Variants in NEGR1 observed in about 807,000 individuals in gnomAD.
NEGR1 encodes the protein neuronal growth regulator 1.
In NEGR1, 10 loss-of-function variants were observed where a neutral mutation model predicts 40.9. The ratio of observed to expected loss-of-function variants is 0.24; its 90% confidence interval spans 0.15 to 0.42. NEGR1 has a LOEUF of 0.42. Among genes scored for constraint, NEGR1 ranks in the 10% least tolerant of loss-of-function variants. The pLI is 1.00. For missense variants in NEGR1, 352 were observed against 438.9 expected (o/e 0.80, Z 1.77); for synonymous variants, 185 against 166.8 (o/e 1.11, Z -0.84).
At chr1:72,242,315 T>C (rs1329670662) in intron 1 of NEGR1, among the ~76,000 whole-genome samples, 1 of 151,706 alleles carries the variant, frequency 6.6e-6, no homozygotes, top group Non-Finnish European at 1.5e-5. Flanking sequence ...AAAAAATTTA[T>C]TAAGTCACAT....
intron 3 of NEGR1, among the ~76,000 whole-genome samples, chr1:71,717,082 T>C (rs1414144637): frequency 6.6e-6 from 1 of 152,184 alleles, no homozygotes; most frequent in African/African-American, 2.4e-5. Context: ...GTTGAATTCA[T>C]TACTAGCAAT....
At chr1:72,199,802 A>G (rs1186784765) in intron 1 of NEGR1, among the ~76,000 whole-genome samples, 2 of 151,956 alleles carry the variant, frequency 1.3e-5, no homozygotes, top group African/African-American at 4.8e-5. Flanking sequence ...TCTAATACCA[A>G]AAATCTATGA....
At chr1:71,730,879 T>C (rs1213176157) in intron 3 of NEGR1, among the ~76,000 whole-genome samples, 2 of 62,250 alleles carry the variant, frequency 3.2e-5, no homozygotes, top group Non-Finnish European at 5.6e-5. Flanking sequence ...GAAGCATTCG[T>C]GTGTGTGTGT....
intron 1 of NEGR1, among the ~76,000 whole-genome samples, chr1:72,121,043 G>GT (rs1649783869): frequency 6.6e-6 from 1 of 152,036 alleles, no homozygotes; most frequent in Non-Finnish European, 1.5e-5. Flanking sequence ...ATTTTGGGGT[G>GT]TACAGAGGTT....
intron 1 of NEGR1, among the ~76,000 whole-genome samples, chr1:72,198,740 C>A (rs748308962): frequency 6.6e-6 from 1 of 151,690 alleles, no homozygotes; most frequent in Non-Finnish European, 1.5e-5. Flanking sequence ...GGAGAAATTG[C>A]GGGTCAGCAA....
In NEGR1 at chr1:71,395,999, G is replaced by A. The variant is rs1646209084; in HGVS notation, c.*11447C>T. On this transcript the variant is annotated 3_prime_UTR_variant, in exon 7 of 7. Coordinates refer to ENST00000357731, the MANE Select transcript of NEGR1 (RefSeq NM_173808.3). ...ATTGTAATATGTACTAATTGTAAATGTGGAAACTGAAGCCCCATTCCAGAG... is the reference window on the plus strand; with the variant it reads ...ATTGTAATATGTACTAATTGTAAATATGGAAACTGAAGCCCCATTCCAGAG... 6.6e-6 allele frequency: 1 copy of A among 152,104 alleles called. No individual in the cohort carries two copies. The allele number at this position is 152,104 out of a possible 1,614,324, so 9.4% of individuals were successfully genotyped here.
chr1:72,097,584 A>C (rs780755377), intron 1 of NEGR1, among the ~76,000 whole-genome samples: 1 of 152,176 alleles, frequency 6.6e-6, no homozygotes, highest in Non-Finnish European at 1.5e-5. Context: ...AAGTTCAAAA[A>C]CGTTAACCAC....
intron 6 of NEGR1, among the ~76,000 whole-genome samples, chr1:71,465,550 G>T (rs572089162): frequency 1.3e-5 from 2 of 152,046 alleles, no homozygotes; most frequent in African/African-American, 4.8e-5. Context: ...TGATCCTAGG[G>T]CTACGACCTT....
chr1:72,126,420 T>A (rs1650026995), intron 1 of NEGR1, among the ~76,000 whole-genome samples: 1 of 152,204 alleles, frequency 6.6e-6, no homozygotes, highest in Non-Finnish European at 1.5e-5. Context: ...TATTTACTAC[T>A]AAAACAAAAA....
intron 3 of NEGR1, 70 bp from the exon 4 acceptor site, chr1:71,698,209 A>G: frequency 7.3e-7 from 1 of 1,370,466 alleles, no homozygotes; most frequent in Non-Finnish European, 1.0e-6. Flanking sequence ...CAACAATTTC[A>G]TGACTTCCTA....
chr1:71,782,686 T>C (rs2101725614), intron 2 of NEGR1, among the ~76,000 whole-genome samples: 1 of 152,262 alleles, frequency 6.6e-6, no homozygotes, highest in African/African-American at 2.4e-5. Context: ...TTCTTTGATG[T>C]CTCAGTGAAG....
intron 2 of NEGR1, among the ~76,000 whole-genome samples, chr1:71,882,254 A>G (rs1256183607): frequency 6.6e-6 from 1 of 152,088 alleles, no homozygotes; most frequent in Non-Finnish European, 1.5e-5. Context: ...AGTTAGTTGT[A>G]TAACTGCTGA....
intron 2 of NEGR1, among the ~76,000 whole-genome samples, chr1:71,861,295 A>G (rs7541854): frequency 0.12 from 18,382 of 152,004 alleles, 1,199 homozygotes; most frequent in African/African-American, 0.15. Context: ...TAGAAGAGTG[A>G]CTGGCATACA....
intron 6 of NEGR1, among the ~76,000 whole-genome samples, chr1:71,573,195 G>T (rs975242314): frequency 6.6e-6 from 1 of 152,158 alleles, no homozygotes; most frequent in Non-Finnish European, 1.5e-5. Flanking sequence ...TACATGAATA[G>T]AATAGATAAA....
chr1:71,814,995 ATCAGGGTG>A (rs1379047196), intron 2 of NEGR1, among the ~76,000 whole-genome samples: 3 of 151,936 alleles, frequency 2.0e-5, no homozygotes, highest in African/African-American at 7.2e-5. Context: ...TAGTTGTAAC[ATCAGGGTG>A]TCAGTTTGAG....
At chr1:71,797,012 T>C (rs1182513213) in intron 2 of NEGR1, among the ~76,000 whole-genome samples, 1 of 152,142 alleles carries the variant, frequency 6.6e-6, no homozygotes, top group Non-Finnish European at 1.5e-5. Context: ...TATTTGCAGA[T>C]GGTGAGAGAC....
At chr1:72,054,560 T>C (rs1202043812) in intron 1 of NEGR1, among the ~76,000 whole-genome samples, 2 of 151,304 alleles carry the variant, frequency 1.3e-5, no homozygotes, top group Non-Finnish European at 3.0e-5. Flanking sequence ...GGTACTCTGG[T>C]TAGCAATAGA....
At chr1:71,490,569 G>C (rs1158037238) in intron 6 of NEGR1, among the ~76,000 whole-genome samples, 1 of 151,860 alleles carries the variant, frequency 6.6e-6, no homozygotes, top group African/African-American at 2.4e-5. Context: ...CATTCTATGC[G>C]ATGCCATACC....
chr1:71,650,382 G>A (rs1161820571), intron 4 of NEGR1, among the ~76,000 whole-genome samples: 1 of 152,156 alleles, frequency 6.6e-6, no homozygotes, highest in South Asian at 2.1e-4. Context: ...AGAACTTTGG[G>A]TTCTAATTAG....
Sources: gnomAD v4.1 joint callset for allele counts (sites outside exome capture counted in the v4.1 genomes callset) on GRCh38, gnomAD v4.1.1 for gene constraint, MANE v1.5 for transcripts, NCBI Gene and HGNC (gene_info 2026-07-23, HGNC 2026-07-21) for gene names.